The following LMO7 variants were observed in gnomAD, a reference collection of about 807,000 sequenced individuals.
LMO7 encodes LIM domain only protein 7.
A neutral mutation model predicts 206.5 loss-of-function variants in LMO7; 120 were observed. That is an observed-to-expected ratio of 0.58 (90% CI 0.50 to 0.68). LMO7 has a LOEUF of 0.68. Among genes scored for constraint, LMO7 ranks in the 30% least tolerant of loss-of-function variants. The pLI, the probability that LMO7 is intolerant of heterozygous loss-of-function variation, is 0.00. For missense variants in LMO7, 1,959 were observed against 1,957.9 expected, an observed-to-expected ratio of 1.00 and a Z score of -0.01; for synonymous variants, 706 against 681.5, an observed-to-expected ratio of 1.04 and a Z score of -0.56.
intron 4 of LMO7, among the ~76,000 whole-genome samples, chr13:75,787,065 T>C (rs978288254): frequency 6.6e-6 from 1 of 152,216 alleles, no homozygotes; most frequent in Non-Finnish European, 1.5e-5. Context: ...AGAAAAATCA[T>C]GTGTGAGTTT....
At chr13:75,673,524 C>T (rs2039765475) in intron 1 of LMO7, among the ~76,000 whole-genome samples, 1 of 152,048 alleles carries the variant, frequency 6.6e-6, no homozygotes. Context: ...ACCTTGCAAC[C>T]CTGAGGCAAC....
At chr13:75,783,806 G>A (rs2051945485) in intron 4 of LMO7, among the ~76,000 whole-genome samples, 1 of 152,120 alleles carries the variant, frequency 6.6e-6, no homozygotes, top group African/African-American at 2.4e-5. Flanking sequence ...TTGCCCTTTG[G>A]TCTGATGGTA....
rs1004305392 is a variant in LMO7, at chr13:75,636,724, G to A, written c.67G>A (p.Glu23Lys). The A allele has an allele frequency of 1.2e-6, 2 of 1,606,274 alleles. No individual in the cohort carries two copies. The highest frequency in any genetic ancestry group is 2.7e-5 in the African/African-American group (2 of 74,876). Residue 23 changes from glutamate to lysine, a missense_variant and splice_region_variant, in exon 1 of 31, where the codon GAG becomes AAG. Transcript: ENST00000377534. ...VAFAEAQRWV[E>K]AVTEKNFETK... ...GTTCGCTGAGGCTCAGAGATGGGTG[G>A]AGGTGAGTGCCTTTCACTGCTTTCC...
intron 1 of LMO7, among the ~76,000 whole-genome samples, chr13:75,637,572 T>C (rs1312568312): frequency 3.3e-5 from 5 of 152,244 alleles, no homozygotes; most frequent in African/African-American, 1.2e-4. Context: ...GAACAACTGC[T>C]GAAAATTGAG....
chr13:75,663,444 T>C (rs935868808), intron 1 of LMO7, among the ~76,000 whole-genome samples: 1 of 61,328 alleles, frequency 1.6e-5, no homozygotes. Flanking sequence ...TTTTTTTTTT[T>C]TTTTGAGACG....
At chr13:75,827,975 G>A (rs1409477995) in intron 15 of LMO7, among the ~76,000 whole-genome samples, 1 of 152,116 alleles carries the variant, frequency 6.6e-6, no homozygotes, top group Non-Finnish European at 1.5e-5. Flanking sequence ...CCTTCACTAG[G>A]ACCTGCTCTC....
chr13:75,769,427 T>C (rs1226342556), intron 4 of LMO7, among the ~76,000 whole-genome samples: 1 of 152,072 alleles, frequency 6.6e-6, no homozygotes, highest in East Asian at 1.9e-4. Context: ...TGACCAAATA[T>C]GCACAGTAAA....
At chr13:75,709,132 A>C (rs1198043181) in intron 1 of LMO7, among the ~76,000 whole-genome samples, 15 of 152,200 alleles carry the variant, frequency 9.9e-5, no homozygotes, top group Non-Finnish European at 1.3e-4. Context: ...TGAACTCATC[A>C]TTTTTTATGG....
chr13:75,822,808 T>TTATATATATATAATAAAATATATA (rs1555337607), intron 14 of LMO7, among the ~76,000 whole-genome samples: 2 of 108,114 alleles, frequency 1.8e-5, no homozygotes, highest in Non-Finnish European at 3.7e-5. Flanking sequence ...TTTCTAAAAA[T>TTATATATATATAATAAAATATATA]TATATATATA....
At chr13:75,701,570 C>G (rs1157575826) in intron 1 of LMO7, among the ~76,000 whole-genome samples, 1 of 152,178 alleles carries the variant, frequency 6.6e-6, no homozygotes, top group African/African-American at 2.4e-5. Context: ...AGCATTTGAA[C>G]TATACTTAAA....
rs1276384173 is a variant in LMO7 at position 75,819,454 on chromosome 13, A to G, written c.2126A>G (p.Glu709Gly). ...SYTSDLQKKKEEREEIEKQAL... is the reference protein window; with the variant it reads ...SYTSDLQKKKGEREEIEKQAL... ...ACTTCAGATCTGCAGAAGAAAAAAG[A>G]AGAGAGAGAAGAAATTGAAAAGCAG... Residue 709 changes from glutamate (E) to glycine (G), a missense_variant, in exon 13 of 31, where the codon GAA becomes GGA. By Grantham distance (98) the Glu-to-Gly change is moderately conservative. Coordinates refer to ENST00000377534, the MANE Select transcript of LMO7 (RefSeq NM_001306080.2). 6.2e-7 allele frequency: 1 copy of G among 1,613,080 alleles called. No individual in the cohort carries two copies. The highest frequency in any genetic ancestry group is 1.3e-5 in the African/African-American group (1 of 74,834).
intron 1 of LMO7, among the ~76,000 whole-genome samples, chr13:75,669,509 A>G (rs944356598): frequency 2.6e-5 from 4 of 152,178 alleles, no homozygotes; most frequent in Non-Finnish European, 5.9e-5. Context: ...GTATGAGAGT[A>G]TAGAATTCTC....
At chr13:75,855,620 C>T (rs941248174) in intron 29 of LMO7, among the ~76,000 whole-genome samples, 1 of 152,166 alleles carries the variant, frequency 6.6e-6, no homozygotes, top group East Asian at 1.9e-4. Context: ...ATTTACAGTA[C>T]ATAAGTTGCT....
At chr13:75,846,157 T>C (rs1344366487) in intron 26 of LMO7, among the ~76,000 whole-genome samples, 1 of 152,094 alleles carries the variant, frequency 6.6e-6, no homozygotes, top group Non-Finnish European at 1.5e-5. Flanking sequence ...TGACAAGAGA[T>C]TTTTTTAAAA....
intron 1 of LMO7, among the ~76,000 whole-genome samples, chr13:75,676,910 C>T (rs901733347): frequency 1.3e-5 from 2 of 152,110 alleles, no homozygotes; most frequent in South Asian, 4.2e-4. Flanking sequence ...TACAGCTTTA[C>T]AGATTTAAGT....
At position 75,841,779 on chromosome 13, in the gene LMO7, A is replaced by T; in HGVS notation, c.3827A>T (p.Glu1276Val). The T allele has an allele frequency of 3.1e-6, 5 of 1,614,102 alleles. No individual in the cohort carries two copies. The highest frequency in any genetic ancestry group is 4.2e-6 in the Non-Finnish European group (5 of 1,180,010). Residue 1276 changes from glutamate to valine, a missense_variant, in exon 24 of 31, where the codon GAA (glutamate) becomes GTA (valine). Physicochemically the swap from Glu to Val is moderately radical, Grantham distance 121. Coordinates refer to ENST00000377534, the MANE Select transcript of LMO7 (RefSeq NM_001306080.2). ...GAGGAGAGGAGACAGCCACAAGAGG[A>T]AGTTGTTCATGAGGACCAAGGAAAG... ...GEEERRQPQE[E>V]VVHEDQGKKP...
intron 1 of LMO7, among the ~76,000 whole-genome samples, chr13:75,679,118 A>G (rs991320276): frequency 6.6e-6 from 1 of 152,180 alleles, no homozygotes; most frequent in South Asian, 2.1e-4. Context: ...GACACAGAAT[A>G]TTTCATTCAG....
chr13:75,743,633 A>G (rs1292346141), intron 3 of LMO7, among the ~76,000 whole-genome samples: 1 of 152,194 alleles, frequency 6.6e-6, no homozygotes, highest in Non-Finnish European at 1.5e-5. Context: ...CTCACATATA[A>G]GTGGGAGCTA....
chr13:75,637,443 G>A (rs934780113), intron 1 of LMO7, among the ~76,000 whole-genome samples: 12 of 152,108 alleles, frequency 7.9e-5, no homozygotes, highest in African/African-American at 2.9e-4. Context: ...CTTCATTAAC[G>A]CCTTGGGGCT....
Sources: gnomAD v4.1 joint callset for allele counts (sites outside exome capture counted in the v4.1 genomes callset) on GRCh38, gnomAD v4.1.1 for gene constraint, MANE v1.5 for transcripts, NCBI Gene and HGNC (gene_info 2026-07-23, HGNC 2026-07-21) for gene names.